WDR88: variants seen among roughly 807,000 people sequenced by gnomAD.
WDR88 encodes the protein WD repeat-containing protein 88.
WDR88 carries 40 observed loss-of-function variants against 46.8 expected under a neutral mutation model. The ratio of observed to expected loss-of-function variants is 0.86; its 90% CI spans 0.66 to 1.11. The LOEUF is 1.11. WDR88 is among the 50% of genes most tolerant of loss of function. WDR88 has a pLI of 0.00. For synonymous variants in WDR88, 235 were observed against 240.7 expected (o/e 0.98, Z 0.22); for missense variants, 562 against 602.4 (o/e 0.93, Z 0.70).
In WDR88 at chr19:33,164,214, G is replaced by A. The variant is rs753552937; in HGVS notation, c.1098G>A (p.Val366=). The part of the protein sequence containing the change: ...KLSLKGHNDW[V]MDVAISNNKK... ...TTCTTCAGGGCCATAATGACTGGGT[G>A]ATGGATGTTGCCATTAGCAACAACA... Residue 366 remains valine, a synonymous_variant, in exon 9 of 11, where the codon GTG becomes GTA. Coordinates refer to ENST00000355868, the MANE Select transcript of WDR88 (RefSeq NM_173479.4). The A allele has an allele frequency of 1.9e-6, 3 of 1,613,920 alleles. No homozygotes were observed. Among genetic ancestry groups the A allele is most frequent in the Admixed American group, 1.7e-5 (1 of 60,010 alleles).
At chr19:33,139,862 T>A (rs1973353147) in intron 2 of WDR88, among the ~76,000 whole-genome samples, 1 of 152,112 alleles carries the variant, frequency 6.6e-6, no homozygotes, top group African/African-American at 2.4e-5. Context: ...GCCAAGGGCA[T>A]GACAACTGGG....
intron 10 of WDR88, chr19:33,174,750 C>T: frequency 1.0e-6 from 1 of 985,424 alleles, no homozygotes; most frequent in South Asian, 4.7e-5. Context: ...TGGGGCGGGA[C>T]ACTCACCCCC....
At chr19:33,166,120 G>A (rs1039873417) in intron 9 of WDR88, among the ~76,000 whole-genome samples, 7 of 151,296 alleles carry the variant, frequency 4.6e-5, no homozygotes, top group African/African-American at 1.7e-4. Context: ...AAAATTAACC[G>A]AGTGTGGTGG....
At chr19:33,164,599 C>T (rs767024140) in intron 9 of WDR88, among the ~76,000 whole-genome samples, 5 of 152,038 alleles carry the variant, frequency 3.3e-5, no homozygotes, top group Non-Finnish European at 5.9e-5. Context: ...GCCCAAGGTC[C>T]GGGGGGGTCT....
Position 33,137,661 on chromosome 19 carries a change from T to G in WDR88, c.277-16T>G. On this transcript the variant is annotated splice_polypyrimidine_tract_variant and intron_variant, in intron 1 of 10. Coordinates refer to ENST00000355868, the MANE Select transcript of WDR88 (RefSeq NM_173479.4). ...CCTGCAACATGTTTAGCTCATCTGG[T>G]CTCTCCTTTTTTCAGATCCCATTTA... is the stretch of plus-strand genomic sequence containing the variant. The G allele has an allele frequency of 2.5e-6, 4 of 1,606,896 alleles. No individual in the cohort carries two copies. Among genetic ancestry groups the G allele is most frequent in the Non-Finnish European group, 3.4e-6 (4 of 1,173,974 alleles).
At chr19:33,164,333 C>A in intron 9 of WDR88, 68 bp downstream of exon 9, 1 of 1,479,206 alleles carries the variant, frequency 6.8e-7, no homozygotes, top group Non-Finnish European at 9.5e-7. Context: ...AGAGTTATTG[C>A]CAAGTATAAA....
At chr19:33,137,315 G>A (rs1187344608) in intron 1 of WDR88, among the ~76,000 whole-genome samples, 4 of 150,122 alleles carry the variant, frequency 2.7e-5, no homozygotes, top group African/African-American at 9.9e-5. Context: ...GTGCAGTGGT[G>A]CAATCTTGGC....
chr19:33,140,745 G>C (rs546541072), intron 2 of WDR88, among the ~76,000 whole-genome samples: 2 of 151,500 alleles, frequency 1.3e-5, no homozygotes, highest in African/African-American at 4.9e-5. Context: ...AGCCGAGATC[G>C]CACCACTGCA....
chr19:33,132,492 C>A (rs375410214), intron 1 of WDR88, 47 bp downstream of exon 1: 100 of 1,597,422 alleles, frequency 6.3e-5, no homozygotes, highest in Non-Finnish European at 8.3e-5. Flanking sequence ...GTTCCCCACA[C>A]GGGAGGAAGG....
chr19:33,146,125 C>T (rs1265466657), intron 3 of WDR88, among the ~76,000 whole-genome samples: 1 of 151,908 alleles, frequency 6.6e-6, no homozygotes, highest in African/African-American at 2.4e-5. Context: ...GGAGAAACCC[C>T]GGTCTCTACT....
chr19:33,148,703 C>T, intron 4 of WDR88, 69 bp from the exon 5 acceptor site: 1 of 1,594,294 alleles, frequency 6.3e-7, no homozygotes, highest in Non-Finnish European at 8.6e-7. Flanking sequence ...CCTCCCAAAG[C>T]ACTGGGTTTA....
intron 5 of WDR88, among the ~76,000 whole-genome samples, chr19:33,149,445 C>T (rs908958176): frequency 1.2e-4 from 19 of 152,142 alleles, no homozygotes; most frequent in African/African-American, 3.6e-4. Flanking sequence ...ACACAATGTT[C>T]GGCTCCAACC....
At chr19:33,133,346 G>A (rs1187578835) in intron 1 of WDR88, among the ~76,000 whole-genome samples, 47 of 152,072 alleles carry the variant, frequency 3.1e-4, no homozygotes, top group Non-Finnish European at 5.9e-5. Context: ...TCAAGGGTTC[G>A]AGACCAGCCT....
intron 6 of WDR88, among the ~76,000 whole-genome samples, chr19:33,154,954 C>A (rs1281926380): frequency 1.3e-5 from 2 of 152,134 alleles, no homozygotes; most frequent in African/African-American, 2.4e-5. Flanking sequence ...TTTTGCTCAA[C>A]CTTTTCTTCA....
intron 1 of WDR88, among the ~76,000 whole-genome samples, chr19:33,132,813 C>G (rs1247511641): frequency 6.6e-6 from 1 of 152,146 alleles, no homozygotes; most frequent in Non-Finnish European, 1.5e-5. Flanking sequence ...CTCTCCCCGT[C>G]CAGGAGATAC....
In WDR88 at chr19:33,151,303, A is replaced by G; in HGVS notation, c.802A>G (p.Ile268Val). Residue 268 changes from isoleucine (I) to valine (V), a missense_variant, in exon 6 of 11, where the codon ATC (isoleucine) becomes GTC (valine). Coordinates refer to ENST00000355868, the MANE Select transcript of WDR88 (RefSeq NM_173479.4). ...DVTSQATLLT[I>V]TKAHSNAISN... ...TACATCCCAGGCCACGCTGCTCACC[A>G]TCACTAAGTGAGTTGGACCCCAGGA... The G allele has an allele frequency of 6.2e-7, 1 of 1,612,830 alleles. No individual in the cohort carries two copies. The highest frequency in any genetic ancestry group is 1.1e-5 in the South Asian group (1 of 90,890).
chr19:33,172,675 C>G (rs76865459), intron 10 of WDR88, among the ~76,000 whole-genome samples: 9 of 152,096 alleles, frequency 5.9e-5, no homozygotes, highest in African/African-American at 1.7e-4. Context: ...ACATAGCAAA[C>G]AGGAGTAGGA....
At chr19:33,164,079 C>T (rs1213995807) in intron 8 of WDR88, 118 bp from the exon 9 acceptor site, 1 of 852,320 alleles carries the variant, frequency 1.2e-6, no homozygotes, top group Non-Finnish European at 1.9e-6. Flanking sequence ...AGGTGACCCT[C>T]CCGACTCGGC....
chr19:33,154,838 A>G (rs1973703515), intron 6 of WDR88, among the ~76,000 whole-genome samples: 1 of 152,120 alleles, frequency 6.6e-6, no homozygotes, highest in East Asian at 1.9e-4. Context: ...TTTATCCCGG[A>G]TGGCCCTGCG....
Sources: allele counts gnomAD v4.1 joint callset (sites outside exome capture counted in the v4.1 genomes callset), GRCh38; gene constraint gnomAD v4.1.1; transcripts MANE v1.5; gene names NCBI Gene and HGNC (gene_info 2026-07-23, HGNC 2026-07-21).